Variants in EIF2AK4 observed in about 807,000 individuals in gnomAD.
EIF2AK4 encodes eukaryotic translation initiation factor 2 alpha kinase 4.
EIF2AK4 carries 139 observed loss-of-function variants against 211.1 expected under a neutral mutation model. The observed-to-expected ratio is 0.66, with a 90% CI of 0.57 to 0.76. The LOEUF is 0.76. EIF2AK4 is among the 30% of genes least tolerant of loss of function. The pLI is 0.00. For missense variants in EIF2AK4, 1,664 were observed against 2,043.8 expected (o/e 0.81, Z 3.58); for synonymous variants, 710 against 751.3 (o/e 0.94, Z 0.90).
At chr15:39,952,033 A>T (rs1388995628) in intron 4 of EIF2AK4, among the ~76,000 whole-genome samples, 1 of 151,626 alleles carries the variant, frequency 6.6e-6, no homozygotes, top group Non-Finnish European at 1.5e-5. Context: ...AGTCAATCCT[A>T]CCCCTCCCCA....
Position 40,022,518 on chromosome 15 carries a change from G to A in EIF2AK4, c.4303-1G>A. The A allele has an allele frequency of 6.2e-7, 1 of 1,613,428 alleles. No individual in the cohort carries two copies. The highest frequency in any genetic ancestry group is 8.5e-7 in the Non-Finnish European group (1 of 1,179,614). The stretch of plus-strand genomic sequence containing the variant: ...TTCTTTACTATGTTTGTTTGTTTCA[G>A]TCCCAAGAGGAATTACAAGAGTACT... On this transcript the variant is annotated splice_acceptor_variant, in intron 31 of 38. Coordinates refer to ENST00000263791, the MANE Select transcript of EIF2AK4 (RefSeq NM_001013703.4). LOFTEE classifies it high-confidence loss of function.
In EIF2AK4 at chr15:39,978,005, A is replaced by G. The variant is rs572113457; in HGVS notation, c.2250-73A>G. 1,003 of 1,076,338 alleles carry G rather than the reference A, an allele frequency of 9.3e-4. 2 individuals are homozygous for G. The highest frequency in any genetic ancestry group is 1.3e-3 in the Non-Finnish European group (908 of 718,078). 66.7% of individuals were successfully genotyped at this position (1,076,338 alleles called of 1,614,324 possible). ...TCTGTAGCCTCTTGTGCTTTCTAGT[A>G]TTTAAAAATGTCCATGTTTATAATG... is the stretch of plus-strand genomic sequence containing the variant. On this transcript the variant is annotated intron_variant, in intron 12 of 38. Transcript: ENST00000263791.
Position 39,980,153 on chromosome 15 carries a change from A to C in EIF2AK4, c.2319+2006A>C, listed in dbSNP as rs186492988. Reference sequence around the variant, plus strand: ...ATTTCCTAACTATTCTTTCAACGTCAATGTACCCTAGAGTTGACATTTCAT... The same window carrying C: ...ATTTCCTAACTATTCTTTCAACGTCCATGTACCCTAGAGTTGACATTTCAT... On this transcript the variant is annotated intron_variant, in intron 13 of 38. Transcript: ENST00000263791. 1.1e-3 allele frequency among the ~76,000 whole-genome samples: 168 copies of C among 152,346 alleles called. 4 individuals are homozygous for C. The highest frequency in any genetic ancestry group is 3.8e-3 in the African/African-American group (156 of 41,584).
chr15:40,024,730 C>CT (rs1409866011), intron 32 of EIF2AK4, among the ~76,000 whole-genome samples: 28 of 145,254 alleles, frequency 1.9e-4, no homozygotes, highest in African/African-American at 4.6e-4. Context: ...AGAATCCTGG[C>CT]TTTTTTTTGT....
intron 23 of EIF2AK4, among the ~76,000 whole-genome samples, chr15:40,005,082 G>C (rs1052324060): frequency 6.6e-6 from 1 of 152,158 alleles, no homozygotes; most frequent in African/African-American, 2.4e-5. Context: ...CATAGTAGTA[G>C]ATATTATAAG....
At chr15:40,011,421 G>T (rs1322599539) in intron 27 of EIF2AK4, 75 bp downstream of exon 27, 3 of 1,331,348 alleles carry the variant, frequency 2.3e-6, no homozygotes, top group Admixed American at 2.0e-5. Context: ...TCAAATTCTC[G>T]TTGCAGTAGG....
At chr15:39,992,892 T>C (rs772707557) in intron 18 of EIF2AK4, 44 bp downstream of exon 18, 13 of 1,569,762 alleles carry the variant, frequency 8.3e-6, no homozygotes, top group African/African-American at 1.4e-5. Context: ...ATTAAGGTAA[T>C]AGGACATCTA....
At chr15:40,015,345 C>T (rs1244253428) in intron 27 of EIF2AK4, among the ~76,000 whole-genome samples, 1 of 152,198 alleles carries the variant, frequency 6.6e-6, no homozygotes, top group Non-Finnish European at 1.5e-5. Context: ...TCACAGTTCT[C>T]TGTGGCTGAG....
intron 6 of EIF2AK4, among the ~76,000 whole-genome samples, chr15:39,956,545 C>G (rs548475764): frequency 4.6e-5 from 7 of 152,200 alleles, no homozygotes; most frequent in Non-Finnish European, 1.0e-4. Flanking sequence ...CAGGGGTCCC[C>G]TCCCTAATAC....
At chr15:40,015,421 CAAAG>C (rs2035291153) in intron 27 of EIF2AK4, among the ~76,000 whole-genome samples, 1 of 152,276 alleles carries the variant, frequency 6.6e-6, no homozygotes, top group Middle Eastern at 3.4e-3. Context: ...TGGCAGCAGG[CAAAG>C]AGAGAGAACT....
At chr15:40,020,764 G>T in intron 30 of EIF2AK4, 135 bp from the exon 31 acceptor site, 3 of 624,058 alleles carry the variant, frequency 4.8e-6, no homozygotes, top group Non-Finnish European at 4.9e-6. Flanking sequence ...CAAAGTCTTT[G>T]GCACGCTGTG....
chr15:39,966,585 T>C (rs533398318), intron 8 of EIF2AK4, among the ~76,000 whole-genome samples: 61 of 152,172 alleles, frequency 4.0e-4, no homozygotes, highest in African/African-American at 1.4e-3. Flanking sequence ...TTATAAATTA[T>C]GATTTATAAC....
chr15:39,948,954 G>A (rs567932428), intron 3 of EIF2AK4, among the ~76,000 whole-genome samples, 162 bp from the exon 4 acceptor site: 74 of 152,230 alleles, frequency 4.9e-4, no homozygotes, highest in African/African-American at 1.7e-3. Context: ...TTCCTGCTGT[G>A]ATTATATCAT....
intron 9 of EIF2AK4, among the ~76,000 whole-genome samples, chr15:39,971,874 G>T (rs887973344): frequency 6.6e-6 from 1 of 152,142 alleles, no homozygotes; most frequent in South Asian, 2.1e-4. Context: ...TGATTTACTA[G>T]GTCAGGGGTA....
At chr15:39,939,959 C>T (rs1400085330) in intron 2 of EIF2AK4, among the ~76,000 whole-genome samples, 2 of 152,068 alleles carry the variant, frequency 1.3e-5, no homozygotes, top group Admixed American at 6.5e-5. Flanking sequence ...TGTTGAAAGC[C>T]CTTGCATAGT....
intron 26 of EIF2AK4, among the ~76,000 whole-genome samples, chr15:40,010,495 A>G (rs994447669): frequency 9.9e-5 from 15 of 152,120 alleles, no homozygotes; most frequent in Admixed American, 5.9e-4. Context: ...GGACGCATTG[A>G]AAAAATGAAT....
rs3765127 is a variant in EIF2AK4, at chr15:39,978,437, A to G, written c.2319+290A>G. 0.05 allele frequency: 9,552 copies of G among 192,660 alleles called. 739 individuals carry two copies. Among genetic ancestry groups the G allele is most frequent in the East Asian group, 0.2 (1,619 of 8,082 alleles). 11.9% of individuals were successfully genotyped at this position (192,660 alleles called of 1,614,324 possible). On this transcript the variant is annotated intron_variant, in intron 13 of 38. Transcript: ENST00000263791. ...TTTCTAAGGGTTTGGGAAACTTTAT[A>G]TGGTTGGGGATAAGAATTGAATGCA...
At chr15:39,964,792 A>G (rs1467496695) in intron 7 of EIF2AK4, among the ~76,000 whole-genome samples, 4 of 152,232 alleles carry the variant, frequency 2.6e-5, no homozygotes, top group Non-Finnish European at 4.4e-5. Context: ...CCATATGACT[A>G]TCACTAAATA....
At chr15:39,985,522 C>A (rs1156382036) in intron 13 of EIF2AK4, among the ~76,000 whole-genome samples, 1 of 152,168 alleles carries the variant, frequency 6.6e-6, no homozygotes, top group Non-Finnish European at 1.5e-5. Flanking sequence ...GACACATATA[C>A]CCTCCCAAGA....
Sources: gnomAD v4.1 joint callset for allele counts (sites outside exome capture counted in the v4.1 genomes callset) on GRCh38, gnomAD v4.1.1 for gene constraint, MANE v1.5 for transcripts, NCBI Gene and HGNC (gene_info 2026-07-23, HGNC 2026-07-21) for gene names.